RAD50: variants seen among roughly 807,000 people sequenced by gnomAD.
The protein encoded by RAD50 is RAD50 double strand break repair protein.
A neutral mutation model predicts 168.8 loss-of-function variants in RAD50; 132 were observed. The ratio of observed to expected loss-of-function variants is 0.78; its 90% CI spans 0.68 to 0.90. The LOEUF (loss-of-function observed/expected upper bound fraction) is 0.90, where lower values mean the gene tolerates loss of function less well. Among genes scored for constraint, RAD50 ranks in the 40% least tolerant of loss-of-function variants. The pLI, the probability that RAD50 is intolerant of heterozygous loss-of-function variation, is 0.00. For synonymous variants in RAD50, 525 were observed against 497.4 expected (o/e 1.06, Z -0.74); for missense variants, 1,347 against 1,534.4 (o/e 0.88, Z 2.04).
chr5:132,636,123 C>T (rs747351410), intron 21 of RAD50, among the ~76,000 whole-genome samples: 1 of 152,110 alleles, frequency 6.6e-6, no homozygotes, highest in African/African-American at 2.4e-5. Flanking sequence ...GGAAGTAAGT[C>T]GCCTCACATC....
chr5:132,628,674 C>T (rs563677585), intron 21 of RAD50, among the ~76,000 whole-genome samples: 5 of 152,116 alleles, frequency 3.3e-5, no homozygotes, highest in South Asian at 2.1e-4. Flanking sequence ...GGGGAAACCA[C>T]GTCTCTACTA....
chr5:132,634,432 T>C (rs1053082045), intron 21 of RAD50, among the ~76,000 whole-genome samples: 5 of 152,186 alleles, frequency 3.3e-5, no homozygotes, highest in African/African-American at 9.6e-5. Flanking sequence ...ATCTCATTAG[T>C]CTGAATAATT....
chr5:132,567,947 T>A (rs1750236041), intron 2 of RAD50, among the ~76,000 whole-genome samples: 1 of 152,220 alleles, frequency 6.6e-6, no homozygotes, highest in Admixed American at 6.5e-5. Context: ...AATATAATTT[T>A]AAAAATTAAT....
intron 19 of RAD50, among the ~76,000 whole-genome samples, chr5:132,613,804 C>T (rs1475314368): frequency 6.6e-6 from 1 of 151,794 alleles, no homozygotes; most frequent in East Asian, 1.9e-4. Flanking sequence ...ACTATGTTGG[C>T]CAGGATGATC....
In RAD50 at chr5:132,603,449, A is replaced by G. The variant is rs1750924647; in HGVS notation, c.2357A>G (p.Lys786Arg). ...GTIMPEEESA[K>R]VCLTDVTIME... ...ATAATGCCTGAAGAAGAAAGTGCCAAAGTATGCCTGACAGATGTTACAATT... is the reference window on the plus strand; with the variant it reads ...ATAATGCCTGAAGAAGAAAGTGCCAGAGTATGCCTGACAGATGTTACAATT... Residue 786 changes from lysine (K) to arginine (R), a missense_variant, in exon 14 of 25, where the codon AAA (lysine) becomes AGA (arginine). Lys to Arg is a conservative substitution (Grantham distance 26). Around this residue, in one of 3 missense-constraint regions of RAD50, gnomAD observed 635 missense variants for 739.2 expected, o/e 0.86. Transcript: ENST00000378823. 6.2e-7 allele frequency: 1 copy of G among 1,613,858 alleles called. No homozygotes were observed. Among genetic ancestry groups the G allele is most frequent in the Non-Finnish European group, 8.5e-7 (1 of 1,179,902 alleles).
intron 19 of RAD50, among the ~76,000 whole-genome samples, chr5:132,615,381 G>A (rs1390254922): frequency 1.3e-5 from 2 of 152,134 alleles, no homozygotes; most frequent in South Asian, 2.1e-4. Context: ...TGCTACTATT[G>A]TGGCACTTCT....
Position 132,642,311 on chromosome 5 carries a change from T to A in RAD50, c.3886T>A (p.Cys1296Ser), listed in dbSNP as rs1223441991. ...CAGGATTAAAAAGAACATCGATCAG[T>A]GCTCAGAGATTGTGAAATGCAGTGT... ...FYRIKKNIDQ[C>S]SEIVKCSVSS... The change falls in exon 25 of 25, where the codon TGC becomes AGC. Residue 1296 changes from cysteine to serine, a missense_variant. Transcript: ENST00000378823. 1.9e-6 allele frequency: 3 copies of A among 1,614,088 alleles called. No individual in the cohort carries two copies. In the Admixed American group the frequency reaches 5.0e-5, roughly 27 times the overall value.
intron 21 of RAD50, among the ~76,000 whole-genome samples, chr5:132,628,646 G>A (rs1023307798): frequency 6.6e-6 from 1 of 152,068 alleles, no homozygotes; most frequent in Non-Finnish European, 1.5e-5. Flanking sequence ...AGGAGTTCGA[G>A]ACCAGCCTGA....
At chr5:132,568,530 A>G (rs897501534) in intron 2 of RAD50, among the ~76,000 whole-genome samples, 13 of 152,202 alleles carry the variant, frequency 8.5e-5, no homozygotes, top group African/African-American at 2.4e-4. Flanking sequence ...AAACATAACT[A>G]TGTTGTACAT....
chr5:132,639,003 A>G (rs780728967), intron 23 of RAD50, among the ~76,000 whole-genome samples: 3 of 152,238 alleles, frequency 2.0e-5, no homozygotes, highest in Non-Finnish European at 4.4e-5. Flanking sequence ...TTCTAAAATC[A>G]TAGAAATAGA....
At chr5:132,627,881 A>G (rs1751396788) in intron 21 of RAD50, among the ~76,000 whole-genome samples, 1 of 152,224 alleles carries the variant, frequency 6.6e-6, no homozygotes, top group African/African-American at 2.4e-5. Flanking sequence ...GGTGGGCTAG[A>G]TCAGGTGGTA....
rs1554096787 is a variant in RAD50, at chr5:132,559,322, T to C, written c.168T>C (p.Asp56=). ...GTCTAAAATATATTTGTACTGGAGA[T>C]TTCCCTCCTGGAACCAAAGGAAATA... The part of the protein sequence containing the change: ...IECLKYICTG[D]FPPGTKGNTF... Residue 56 remains aspartate, a synonymous_variant, in exon 2 of 25, where the codon GAT becomes GAC. Transcript: ENST00000378823. 4 of 1,608,424 alleles carry C rather than the reference T, an allele frequency of 2.5e-6. No homozygotes were observed. In the Admixed American group the frequency reaches 5.0e-5, roughly 20 times the overall value.
intron 8 of RAD50, 79 bp from the exon 9 acceptor site, chr5:132,589,552 T>A: frequency 2.6e-6 from 3 of 1,134,974 alleles, no homozygotes; most frequent in Non-Finnish European, 1.2e-6. Context: ...TTCTTCAGTG[T>A]ACATATATTC....
chr5:132,605,145 A>G (rs1361799264), intron 16 of RAD50, 146 bp downstream of exon 16: 6 of 544,684 alleles, frequency 1.1e-5, no homozygotes, highest in Admixed American at 7.2e-5. Context: ...CCTGGGTTCA[A>G]GTGATTCTCT....
chr5:132,594,275 A>G (rs1395636749), intron 11 of RAD50, among the ~76,000 whole-genome samples: 1 of 152,154 alleles, frequency 6.6e-6, no homozygotes, highest in Non-Finnish European at 1.5e-5. Flanking sequence ...AATTGATTAC[A>G]TGGTAGCTAA....
At position 132,646,219 on chromosome 5, in the gene RAD50, C is replaced by G. The variant is rs1751847182; in HGVS notation, c.*3855C>G. The G allele has an allele frequency of 6.6e-6, 1 of 151,236 alleles. No individual in the cohort carries two copies. The highest frequency in any genetic ancestry group is 2.0e-4 in the East Asian group (1 of 5,096). 9.4% of individuals were successfully genotyped at this position (151,236 alleles called of 1,614,324 possible). On this transcript the variant is annotated 3_prime_UTR_variant, in exon 25 of 25. Coordinates refer to ENST00000378823, the MANE Select transcript of RAD50 (RefSeq NM_005732.4). The stretch of plus-strand genomic sequence containing the variant: ...ACAACCACCATCTATACACTGATAA[C>G]TCATAAATGTTTGTGTCCAATCCAG...
At chr5:132,592,182 G>A in intron 11 of RAD50, 148 bp downstream of exon 11, 4 of 837,276 alleles carry the variant, frequency 4.8e-6, no homozygotes, top group South Asian at 3.4e-5. Flanking sequence ...GAAAGTTCAT[G>A]GAAAAATGGA....
At chr5:132,634,177 TA>T (rs1429534796) in intron 21 of RAD50, among the ~76,000 whole-genome samples, 4 of 152,204 alleles carry the variant, frequency 2.6e-5, no homozygotes, top group Admixed American at 1.3e-4. Context: ...GACATCTTTG[TA>T]ATATCACATC....
At chr5:132,582,927 T>A (rs115213672) in intron 5 of RAD50, among the ~76,000 whole-genome samples, 267 of 152,254 alleles carry the variant, frequency 1.8e-3, no homozygotes, top group Admixed American at 4.5e-3. Flanking sequence ...GGGGATCTGG[T>A]GACTGGCTGG....
Sources: allele counts gnomAD v4.1 joint callset (sites outside exome capture counted in the v4.1 genomes callset), GRCh38; gene constraint gnomAD v4.1.1; regional missense constraint gnomAD v4.1.1; transcripts MANE v1.5; gene names NCBI Gene and HGNC (gene_info 2026-07-23, HGNC 2026-07-21).